Variants in TTN observed in about 807,000 individuals in gnomAD.
The protein encoded by TTN is titin.
Under a neutral mutation model 3,223.0 loss-of-function variants are expected in TTN, and 1,525 were observed. The observed-to-expected ratio is 0.47, with a 90% CI of 0.45 to 0.49. The LOEUF is 0.49. TTN is among the 20% of genes least tolerant of loss of function. The pLI is 0.00. For missense variants in TTN, 40,786 were observed against 43,424.0 expected (o/e 0.94, Z 5.40); for synonymous variants, 14,094 against 15,161.0 (o/e 0.93, Z 5.17).
At chr2:178,755,330 A>G (rs1561073179) in intron 46 of TTN, among the ~76,000 whole-genome samples, 1 of 152,224 alleles carries the variant, frequency 6.6e-6, no homozygotes, top group African/African-American at 2.4e-5. Flanking sequence ...CAATTCCAGG[A>G]GGATTTTAAG....
chr2:178,791,969 C>A, intron 10 of TTN, 103 bp downstream of exon 10: 1 of 1,301,682 alleles, frequency 7.7e-7, no homozygotes, highest in Non-Finnish European at 1.1e-6. Context: ...AAATATACAA[C>A]CAAAGACTTC....
chr2:178,789,912 T>C lies in TTN; in HGVS notation c.1938+66A>G, dbSNP rs1438365618. On this transcript the variant is annotated intron_variant, in intron 12 of 362. Transcript: ENST00000589042. Reference sequence around the variant, plus strand: ...CAGATTAATAATTCATACCATATTGTAGTTAATAGTTTACTAGAAATTAGT... The same window carrying C: ...CAGATTAATAATTCATACCATATTGCAGTTAATAGTTTACTAGAAATTAGT... The C allele has an allele frequency of 3.8e-6, 6 of 1,594,052 alleles. No homozygotes were observed. In the African/African-American group the frequency reaches 5.4e-5, roughly 14 times the overall value.
At position 178,651,510 on chromosome 2, in the gene TTN, G is replaced by A; in HGVS notation, c.39490C>T (p.Pro13164Ser). Residue 13164 changes from proline to serine, a missense_variant, in exon 207 of 363, where the codon CCT becomes TCT. By Grantham distance (74) the Pro-to-Ser change is moderately conservative. Transcript: ENST00000589042. ...KVPEVPKEVV[P>S]EKKVPLVVPK... is the part of the protein sequence containing the mutation. ...ACCACCAGAGGCACCTTCTTTTCAG[G>A]AACAACCTCCTTGGGCACCTCGGGC... 6.2e-7 allele frequency: 1 copy of A among 1,612,990 alleles called. No homozygotes were observed. Among genetic ancestry groups the A allele is most frequent in the East Asian group, 2.2e-5 (1 of 44,854 alleles).
At chr2:178,760,825 C>T (rs557083389) in intron 43 of TTN, 1 of 148,130 alleles carries the variant, frequency 6.8e-6, no homozygotes, top group South Asian at 2.2e-4. Context: ...TGAAACACCA[C>T]CCCTATTTAG....
In TTN at chr2:178,574,197, T is replaced by G; in HGVS notation, c.71935A>C (p.Ile23979Leu). The G allele has an allele frequency of 6.2e-7, 1 of 1,613,538 alleles. No individual in the cohort carries two copies. The highest frequency in any genetic ancestry group is 8.5e-7 in the Non-Finnish European group (1 of 1,179,624). ...CTGACTGTAAATTCATTCTCCAAAATGTTGCTGAAGTTGGCCTTCAGCCAC... is the reference window on the plus strand; with the variant it reads ...CTGACTGTAAATTCATTCTCCAAAAGGTTGCTGAAGTTGGCCTTCAGCCAC... ...GRWLKANFSN[I>L]LENEFTVSGL... Residue 23979 changes from isoleucine (I) to leucine (L), a missense_variant, in exon 326 of 363, where the codon ATT becomes CTT. By Grantham distance (5) the Ile-to-Leu change is conservative. Transcript: ENST00000589042.
intron 250 of TTN, 192 bp from the exon 251 acceptor site, chr2:178,619,045 T>C: frequency 2.8e-6 from 2 of 726,514 alleles, no homozygotes; most frequent in Non-Finnish European, 4.3e-6. Flanking sequence ...GCAAATTAGA[T>C]TGGAGAGTAG....
In TTN at chr2:178,571,633, G is replaced by C. The variant is rs1553605256; in HGVS notation, c.74499C>G (p.Pro24833=). ...TGATAGAACTTCCACCATCATACTT[G>C]GGTGGGCCCCAGGAAAGAGTAATAC... ...ADSITLSWGP[P]KYDGGSSINN... The change falls in exon 326 of 363, where the codon CCC becomes CCG. Residue 24833 remains proline, a synonymous_variant. Coordinates refer to ENST00000589042, the MANE Select transcript of TTN (RefSeq NM_001267550.2). The C allele has an allele frequency of 3.7e-6, 6 of 1,613,290 alleles. No homozygotes were observed. Among genetic ancestry groups the C allele is most frequent in the Non-Finnish European group, 4.2e-6 (5 of 1,179,544 alleles).
At chr2:178,790,632 A>C (rs2093435251) in intron 11 of TTN, 76 bp downstream of exon 11, 1 of 1,608,330 alleles carries the variant, frequency 6.2e-7, no homozygotes, top group African/African-American at 1.3e-5. Context: ...GATGATTAAG[A>C]TCCATGATGA....
rs778508001 is a variant in TTN, at chr2:178,751,021, A to C, written c.11311+2103T>G. ...AAATTTCTTCATCAACAATAGTTTGAAAGCTTGTGGGAAGTTCCTCAGATT... is the reference window on the plus strand; with the variant it reads ...AAATTTCTTCATCAACAATAGTTTGCAAGCTTGTGGGAAGTTCCTCAGATT... On this transcript the variant is annotated intron_variant, in intron 47 of 362. Transcript: ENST00000589042. 3.7e-6 allele frequency: 6 copies of C among 1,612,598 alleles called. No homozygotes were observed. The Admixed American group carries it at 8.3e-5, about 22-fold the overall frequency.
chr2:178,610,088 A>G lies in TTN; in HGVS notation c.51436+2T>C, dbSNP rs2055953692. ...CCATAGTGCATCCATGTCCAAACTTACGCTTTGGATCTTGAGCAATGACTG... is the reference window on the plus strand; with the variant it reads ...CCATAGTGCATCCATGTCCAAACTTGCGCTTTGGATCTTGAGCAATGACTG... On this transcript the variant is annotated splice_donor_variant, in intron 271 of 362. Coordinates refer to ENST00000589042, the MANE Select transcript of TTN (RefSeq NM_001267550.2). LOFTEE classifies it high-confidence loss of function. The G allele has an allele frequency of 1.2e-6, 2 of 1,612,566 alleles. No individual in the cohort carries two copies. Among genetic ancestry groups the G allele is most frequent in the Admixed American group, 3.3e-5 (2 of 59,898 alleles).
rs774411587 is a variant in TTN at position 178,566,838 on chromosome 2, G to A, written c.79294C>T (p.Arg26432Ter). ...IVEKRDRSGI[R>*]WIKCNKRRIT... ...CGGCGTTTATTACATTTTATCCATC[G>A]AATGCCACTTCTGTCTCTTTTCTCT... The change falls in exon 326 of 363, where the codon CGA becomes TGA. Residue 26432 changes from arginine (R) to a stop codon, truncating the protein, a stop_gained. Transcript: ENST00000589042. LOFTEE classifies it high-confidence loss of function. The A allele has an allele frequency of 1.2e-6, 2 of 1,613,330 alleles. No homozygotes were observed. The highest frequency in any genetic ancestry group is 1.7e-5 in the Admixed American group (1 of 59,952).
In TTN at chr2:178,753,129, A is replaced by C; in HGVS notation, c.11306T>G (p.Met3769Arg). The change falls in exon 47 of 363, where the codon ATG becomes AGG. Residue 3769 changes from methionine to arginine, a missense_variant. Transcript: ENST00000589042. Reference sequence around the variant, plus strand: ...CACATCCATTATAACAATACCTTTCATTTCCATCTCAATCTCTTGTTCAAT... The same window carrying C: ...CACATCCATTATAACAATACCTTTCCTTTCCATCTCAATCTCTTGTTCAAT... ...ERIEQEIEME[M>R]KEFSSSFLSA... 1 of 1,609,326 alleles carries C rather than the reference A, an allele frequency of 6.2e-7. No individual in the cohort carries two copies. The highest frequency in any genetic ancestry group is 8.5e-7 in the Non-Finnish European group (1 of 1,177,184).
intron 12 of TTN, 68 bp from the exon 13 acceptor site, chr2:178,789,565 C>G: frequency 6.3e-7 from 1 of 1,597,930 alleles, no homozygotes. Flanking sequence ...ATGACCCTTC[C>G]CCCTTCCTCA....
At chr2:178,676,082 T>C (rs1466460497) in intron 147 of TTN, 87 bp from the exon 148 acceptor site, 1 of 1,259,026 alleles carries the variant, frequency 7.9e-7, no homozygotes, top group African/African-American at 1.5e-5. Context: ...GAAAGACCAA[T>C]GTGTTAACAG....
Position 178,567,566 on chromosome 2 carries a change from T to C in TTN, c.78566A>G (p.Glu26189Gly). The C allele has an allele frequency of 6.2e-7, 1 of 1,609,634 alleles. No individual in the cohort carries two copies. The highest frequency in any genetic ancestry group is 1.1e-5 in the South Asian group (1 of 90,462). Reference sequence around the variant, plus strand: ...TGGATCCATTGAAATTCTTGGGAGTTCAACCTCATCCTTGGCAGTTATTGG... The same window carrying C: ...TGGATCCATTGAAATTCTTGGGAGTCCAACCTCATCCTTGGCAGTTATTGG... ...TGPITAKDEV[E>G]LPRISMDPKF... Residue 26189 changes from glutamate to glycine, a missense_variant, in exon 326 of 363, where the codon GAA (glutamate) becomes GGA (glycine). Coordinates refer to ENST00000589042, the MANE Select transcript of TTN (RefSeq NM_001267550.2).
chr2:178,621,350 A>C lies in TTN; in HGVS notation c.45368T>G (p.Ile15123Ser). 2 of 1,611,402 alleles carry C rather than the reference A, an allele frequency of 1.2e-6. No homozygotes were observed. Among genetic ancestry groups the C allele is most frequent in the Non-Finnish European group, 1.7e-6 (2 of 1,178,906 alleles). ...VKVHELAAEF[I>S]SKPQNLEILE... Reference sequence around the variant, plus strand: ...TATTTCAAGGTTTTGAGGCTTTGAGATAAATTCAGCAGCCAGTTCTGGGAA... The same window carrying C: ...TATTTCAAGGTTTTGAGGCTTTGAGCTAAATTCAGCAGCCAGTTCTGGGAA... Residue 15123 changes from isoleucine (I) to serine (S), a missense_variant, in exon 246 of 363, where the codon ATC becomes AGC. By Grantham distance (142) the Ile-to-Ser change is moderately radical. Transcript: ENST00000589042.
At chr2:178,615,027 G>A (rs1024791959) in intron 259 of TTN, 59 bp from the exon 260 acceptor site, 2 of 1,434,046 alleles carry the variant, frequency 1.4e-6, no homozygotes, top group East Asian at 2.4e-5. Context: ...TCATTGTGTA[G>A]TACTCATAAT....
At position 178,576,292 on chromosome 2, in the gene TTN, T is replaced by C; in HGVS notation, c.69840A>G (p.Gln23280=). Residue 23280 remains glutamine, a synonymous_variant, in exon 326 of 363, where the codon CAA becomes CAG. Coordinates refer to ENST00000589042, the MANE Select transcript of TTN (RefSeq NM_001267550.2). The surrounding 1 kb of genome is among the most constrained non-coding windows in gnomAD (Gnocchi z 4.3). The part of the protein sequence containing the change: ...LEITGYVVEH[Q]KVGDEAWIKD... ...TTATCCAGGCCTCGTCTCCTACTTT[T>C]TGATGCTCCACGACATAGCCAGTGA... 2.5e-6 allele frequency: 4 copies of C among 1,599,942 alleles called. No homozygotes were observed. Among genetic ancestry groups the C allele is most frequent in the Non-Finnish European group, 3.4e-6 (4 of 1,174,202 alleles).
At chr2:178,675,600 G>A (rs2067904320) in intron 149 of TTN, 71 bp downstream of exon 149, 1 of 1,142,646 alleles carries the variant, frequency 8.8e-7, no homozygotes, top group East Asian at 2.8e-5. Context: ...TTTATGTTGA[G>A]TGTCCTGTGT....
Sources: gnomAD v4.1 joint callset for allele counts (sites outside exome capture counted in the v4.1 genomes callset) on GRCh38, gnomAD v4.1.1 for gene constraint, Gnocchi (gnomAD v3.1) non-coding constraint, MANE v1.5 for transcripts, NCBI Gene and HGNC (gene_info 2026-07-23, HGNC 2026-07-21) for gene names.